BMPR1B: variants seen among roughly 807,000 people sequenced by gnomAD.
The protein encoded by BMPR1B is bone morphogenetic protein receptor type 1B.
Under a neutral mutation model 59.1 loss-of-function variants are expected in BMPR1B, and 12 were observed. The observed-to-expected ratio is 0.20, with a 90% confidence interval of 0.13 to 0.33. The LOEUF (loss-of-function observed/expected upper bound fraction) is 0.33, where lower values mean the gene tolerates loss of function less well. Ranked by LOEUF, BMPR1B falls within the 10% of genes least tolerant of loss-of-function variation. BMPR1B has a pLI of 1.00. For missense variants in BMPR1B, 550 were observed against 610.9 expected, an observed-to-expected ratio of 0.90 and a Z score of 1.05; for synonymous variants, 237 against 207.3, an observed-to-expected ratio of 1.14 and a Z score of -1.23.
intron 3 of BMPR1B, among the ~76,000 whole-genome samples, chr4:95,073,171 G>A (rs905040176): frequency 7.9e-5 from 12 of 152,286 alleles, no homozygotes; most frequent in African/African-American, 2.9e-4. Context: ...TTTTTCAGCA[G>A]TGAATTAGAA....
chr4:94,767,806 G>A (rs560113153), intron 1 of BMPR1B, among the ~76,000 whole-genome samples: 15 of 152,090 alleles, frequency 9.9e-5, no homozygotes, highest in African/African-American at 3.4e-4. Flanking sequence ...TGTGATTTTT[G>A]TAGGCAAATT....
chr4:94,970,871 T>C (rs1305079293), intron 2 of BMPR1B, among the ~76,000 whole-genome samples: 1 of 151,868 alleles, frequency 6.6e-6, no homozygotes, highest in Non-Finnish European at 1.5e-5. Flanking sequence ...CTGAACACTA[T>C]TTTTTTTATA....
intron 3 of BMPR1B, chr4:95,091,420 C>G: frequency 1.0e-6 from 1 of 967,420 alleles, no homozygotes; most frequent in Non-Finnish European, 1.2e-6. Flanking sequence ...ATCAAAGGGA[C>G]TACTGAGAAA....
intron 1 of BMPR1B, among the ~76,000 whole-genome samples, chr4:94,825,898 TA>T (rs1724364443): frequency 1.3e-5 from 2 of 152,242 alleles, no homozygotes; most frequent in African/African-American, 2.4e-5. Flanking sequence ...CAACAAAGGA[TA>T]TTTTTTCTGT....
chr4:94,862,421 G>A lies in BMPR1B; in HGVS notation c.-182-13410G>A, dbSNP rs144811711. ...CTGCTTCCACCTCCCAAAGTGCTGG[G>A]ATTACAGGCATGAGCCACTGCACCC... On this transcript the variant is annotated intron_variant, in intron 1 of 12. Transcript: ENST00000515059. 9.2e-3 allele frequency among the ~76,000 whole-genome samples: 1,395 copies of A among 151,640 alleles called. 16 individuals are homozygous for A. Among genetic ancestry groups the A allele is most frequent in the African/African-American group, 0.032 (1,338 of 41,374 alleles).
intron 2 of BMPR1B, among the ~76,000 whole-genome samples, chr4:94,889,255 C>T (rs149818910): frequency 6.6e-6 from 1 of 151,996 alleles, no homozygotes; most frequent in East Asian, 1.9e-4. Flanking sequence ...ATATTTTTAT[C>T]GTAATTTGCC....
In BMPR1B at chr4:94,789,237, C is replaced by A. The variant is rs975210360; in HGVS notation, c.-183+31169C>A. 5.9e-5 allele frequency among the ~76,000 whole-genome samples: 9 copies of A among 152,224 alleles called. No homozygotes were observed. In the South Asian group the frequency reaches 1.2e-3, roughly 21 times the overall value. On this transcript the variant is annotated intron_variant, in intron 1 of 12. Coordinates refer to ENST00000515059, the MANE Select transcript of BMPR1B (RefSeq NM_001203.3). ...GACACTTCAGCTCATGAGGCACCCA[C>A]TTACCGAGTTTTTTCACCTTTACAA...
intron 1 of BMPR1B, among the ~76,000 whole-genome samples, chr4:94,795,311 C>A (rs2110610745): frequency 6.7e-6 from 1 of 149,270 alleles, no homozygotes. Flanking sequence ...TGTTTATATG[C>A]TGGATTACAT....
At chr4:94,869,818 A>G (rs1228029881) in intron 1 of BMPR1B, among the ~76,000 whole-genome samples, 3 of 152,100 alleles carry the variant, frequency 2.0e-5, no homozygotes, top group Non-Finnish European at 4.4e-5. Flanking sequence ...TTTGGCCCTT[A>G]TTTTTTCTAA....
At chr4:95,129,590 G>GT (rs1483549584) in intron 8 of BMPR1B, among the ~76,000 whole-genome samples, 22 of 151,866 alleles carry the variant, frequency 1.4e-4, no homozygotes, top group African/African-American at 5.3e-4. Flanking sequence ...GCCTACTCAG[G>GT]TTTTTTCTCT....
intron 10 of BMPR1B, among the ~76,000 whole-genome samples, chr4:95,140,051 G>A (rs1294301009): frequency 3.3e-5 from 5 of 152,054 alleles, no homozygotes; most frequent in Non-Finnish European, 7.4e-5. Flanking sequence ...GTTCCTATTC[G>A]GCCATCTTGT....
chr4:95,017,949 A>T (rs940111622), intron 3 of BMPR1B, among the ~76,000 whole-genome samples: 1 of 152,192 alleles, frequency 6.6e-6, no homozygotes, highest in African/African-American at 2.4e-5. Context: ...CAAATTCGGA[A>T]GGTTTCTGTG....
intron 2 of BMPR1B, among the ~76,000 whole-genome samples, chr4:94,901,021 T>C (rs912628816): frequency 2.6e-5 from 4 of 151,994 alleles, no homozygotes; most frequent in Admixed American, 1.3e-4. Context: ...GTTCCAACCC[T>C]GGAACCCCTT....
intron 2 of BMPR1B, among the ~76,000 whole-genome samples, chr4:94,901,333 T>C (rs1009241936): frequency 6.6e-6 from 1 of 152,008 alleles, no homozygotes; most frequent in African/African-American, 2.4e-5. Flanking sequence ...TGGTGCAACA[T>C]GATGTAAAAT....
At chr4:95,116,876 A>AT (rs563230785) in intron 6 of BMPR1B, among the ~76,000 whole-genome samples, 5 of 151,342 alleles carry the variant, frequency 3.3e-5, no homozygotes, top group East Asian at 1.9e-4. Flanking sequence ...CCTCACCAGC[A>AT]TTTTTTTTTA....
chr4:95,116,685 G>A (rs1039973380), intron 6 of BMPR1B, among the ~76,000 whole-genome samples: 2 of 150,288 alleles, frequency 1.3e-5, no homozygotes, highest in African/African-American at 4.9e-5. Context: ...TGTCATCATA[G>A]TTCATTGCAA....
intron 3 of BMPR1B, among the ~76,000 whole-genome samples, chr4:95,030,226 C>A (rs1013107425): frequency 6.6e-6 from 1 of 152,110 alleles, no homozygotes; most frequent in African/African-American, 2.4e-5. Flanking sequence ...CCTAGGTTTT[C>A]TTCTGTGGTT....
At chr4:94,796,803 G>T (rs184739927) in intron 1 of BMPR1B, among the ~76,000 whole-genome samples, 1 of 152,192 alleles carries the variant, frequency 6.6e-6, no homozygotes, top group African/African-American at 2.4e-5. Context: ...TGGGTGTTAA[G>T]GAGGCAACAA....
At position 94,850,276 on chromosome 4, in the gene BMPR1B, G is replaced by GA. The variant is rs35845073; in HGVS notation, c.-182-25543dup. On this transcript the variant is annotated intron_variant, in intron 1 of 12. Transcript: ENST00000515059. The stretch of plus-strand genomic sequence containing the variant: ...TGCCTCTTCAAGGTAATTTTTAAAT[G>GA]AAAAAAAAAAAATGTATAGCATTGC... Among the ~76,000 whole-genome samples the GA allele has an allele frequency of 4.2e-3, 626 of 149,332 alleles. 4 individuals carry two copies. Among genetic ancestry groups the GA allele is most frequent in the African/African-American group, 0.012 (474 of 41,118 alleles).
Sources: allele counts gnomAD v4.1 joint callset (sites outside exome capture counted in the v4.1 genomes callset), GRCh38; gene constraint gnomAD v4.1.1; transcripts MANE v1.5; gene names NCBI Gene and HGNC (gene_info 2026-07-23, HGNC 2026-07-21).